PPP2R2C: variants seen among roughly 807,000 people sequenced by gnomAD.
The protein encoded by PPP2R2C is protein phosphatase 2, regulatory subunit B, gamma.
In PPP2R2C, 10 loss-of-function variants were observed where a neutral mutation model predicts 45.3. The observed-to-expected ratio is 0.22, with a 90% CI of 0.14 to 0.37. The LOEUF (loss-of-function observed/expected upper bound fraction) is 0.37. PPP2R2C is among the 10% of genes least tolerant of loss of function. The pLI is 1.00. For missense variants in PPP2R2C, 308 were observed against 619.7 expected (o/e 0.50, Z 5.34); for synonymous variants, 257 against 245.4 (o/e 1.05, Z -0.44).
intron 1 of PPP2R2C, among the ~76,000 whole-genome samples, chr4:6,562,468 C>CGG (rs201107217): frequency 0.011 from 1,057 of 92,796 alleles, 5 homozygotes; most frequent in African/African-American, 0.018. Flanking sequence ...TCAACGGAGT[C>CGG]GGGGGGGGGG....
chr4:6,384,008 A>G, intron 1 of PPP2R2C: 1 of 985,668 alleles, frequency 1.0e-6, no homozygotes, highest in Non-Finnish European at 1.2e-6. Flanking sequence ...AGACAGATGC[A>G]CATGTCACTG....
chr4:6,440,925 A>G (rs1244632546), intron 1 of PPP2R2C, among the ~76,000 whole-genome samples: 1 of 152,116 alleles, frequency 6.6e-6, no homozygotes, highest in African/African-American at 2.4e-5. Context: ...GTGGGGTGTG[A>G]TAACAGGAAA....
At chr4:6,350,065 A>G in intron 5 of PPP2R2C, 1 of 985,434 alleles carries the variant, frequency 1.0e-6, no homozygotes, top group Non-Finnish European at 1.2e-6. Flanking sequence ...GAATCACATA[A>G]AAATAGAAAG....
At chr4:6,337,622 G>T (rs1733081932) in intron 6 of PPP2R2C, among the ~76,000 whole-genome samples, 1 of 152,132 alleles carries the variant, frequency 6.6e-6, no homozygotes, top group Non-Finnish European at 1.5e-5. Context: ...TTCCCAGCAG[G>T]ACTTGCGGGT....
intron 1 of PPP2R2C, among the ~76,000 whole-genome samples, chr4:6,556,747 T>C (rs1474375354): frequency 1.3e-5 from 2 of 152,074 alleles, no homozygotes; most frequent in African/African-American, 4.8e-5. Context: ...CCCAGCAACA[T>C]GAGCAACCAG....
In PPP2R2C at chr4:6,388,363, G is replaced by A. The variant is rs572705733; in HGVS notation, c.71-7269C>T. 1.1e-4 allele frequency among the ~76,000 whole-genome samples: 16 copies of A among 152,362 alleles called. No individual in the cohort carries two copies. The South Asian group carries it at 2.7e-3, about 26-fold the overall frequency. On this transcript the variant is annotated intron_variant, in intron 1 of 8. Transcript: ENST00000382599. Reference sequence around the variant, plus strand: ...GCCAGAGATGGGCAAAGATGGTATCGTGGGTTGAACTGCATCCCACAAAAA... The same window carrying A: ...GCCAGAGATGGGCAAAGATGGTATCATGGGTTGAACTGCATCCCACAAAAA...
intron 1 of PPP2R2C, among the ~76,000 whole-genome samples, chr4:6,418,701 C>T (rs914511554): frequency 4.6e-4 from 70 of 152,222 alleles, no homozygotes; most frequent in African/African-American, 1.5e-3. Flanking sequence ...CCCAAAGGGA[C>T]AATGGTGTGT....
chr4:6,384,521 T>C lies in PPP2R2C; in HGVS notation c.71-3427A>G, dbSNP rs192644897. 42 of 975,330 alleles carry C rather than the reference T, an allele frequency of 4.3e-5. No individual in the cohort carries two copies. In the African/African-American group the frequency reaches 4.5e-4, roughly 11 times the overall value. 60.4% of individuals were successfully genotyped at this position (975,330 alleles called of 1,614,324 possible). ...GCTGTATTGAGGTACAATCAATATA[T>C]AAAACGCTGCACATACTTAATGTAT... On this transcript the variant is annotated intron_variant, in intron 1 of 8. Transcript: ENST00000382599.
intron 2 of PPP2R2C, among the ~76,000 whole-genome samples, chr4:6,494,605 A>T (rs984530845): frequency 1.3e-5 from 2 of 152,190 alleles, no homozygotes; most frequent in African/African-American, 4.8e-5. Flanking sequence ...AGACACTCAC[A>T]GCCCAGGTGG....
At chr4:6,395,015 G>A (rs1304820938) in intron 1 of PPP2R2C, among the ~76,000 whole-genome samples, 4 of 151,990 alleles carry the variant, frequency 2.6e-5, no homozygotes, top group Admixed American at 6.5e-5. Context: ...CCCTGCCTCC[G>A]CCCTGGCCTG....
At chr4:6,396,783 G>T (rs1185361768) in intron 1 of PPP2R2C, among the ~76,000 whole-genome samples, 3 of 152,254 alleles carry the variant, frequency 2.0e-5, no homozygotes, top group South Asian at 2.1e-4. Context: ...GGGCTGGGAG[G>T]GGGTAGAGAG....
intron 1 of PPP2R2C, among the ~76,000 whole-genome samples, chr4:6,546,514 T>G (rs1013562231): frequency 6.6e-6 from 1 of 152,194 alleles, no homozygotes; most frequent in African/African-American, 2.4e-5. Context: ...GTGCAATGAC[T>G]AGCCCAGGGC....
chr4:6,458,280 T>C (rs554886579), intron 1 of PPP2R2C, among the ~76,000 whole-genome samples: 11 of 152,308 alleles, frequency 7.2e-5, no homozygotes, highest in African/African-American at 2.6e-4. Context: ...TAACAAAATA[T>C]CATAGACCGG....
intron 5 of PPP2R2C, among the ~76,000 whole-genome samples, chr4:6,362,923 A>G (rs1433786527): frequency 6.6e-6 from 1 of 151,908 alleles, no homozygotes; most frequent in Non-Finnish European, 1.5e-5. Flanking sequence ...ACTGAAACTT[A>G]CTGTGGCTTT....
intron 2 of PPP2R2C, among the ~76,000 whole-genome samples, chr4:6,488,919 TG>T (rs1227308406): frequency 6.6e-6 from 1 of 152,186 alleles, no homozygotes; most frequent in Non-Finnish European, 1.5e-5. Flanking sequence ...CAGGTCCTTT[TG>T]GGGGTTCTTT....
chr4:6,526,999 G>A (rs186523359), intron 2 of PPP2R2C, among the ~76,000 whole-genome samples: 127 of 152,286 alleles, frequency 8.3e-4, no homozygotes, highest in Non-Finnish European at 1.3e-3. Context: ...ATCCCAAAGA[G>A]TGGGAGACGC....
At position 6,378,227 on chromosome 4, in the gene PPP2R2C, C is replaced by T. The variant is rs1018866627; in HGVS notation, c.334+180G>A. ...CAGCCCTGTGTCCAGACACAGGGAG[C>T]GTCTGAGGGGGTCTGGCATACTCAC... On this transcript the variant is annotated intron_variant, in intron 3 of 8. Transcript: ENST00000382599. This position sits in a 1 kb window ranked among gnomAD's most constrained non-coding sequence, Gnocchi z 5.2. The T allele has an allele frequency of 7.4e-6, 6 of 805,982 alleles. No homozygotes were observed. The highest frequency in any genetic ancestry group is 3.8e-5 in the African/African-American group (2 of 53,316). The allele number at this position is 805,982 out of a possible 1,614,324, so 49.9% of individuals were successfully genotyped here.
chr4:6,326,015 C>T (rs987482978), intron 8 of PPP2R2C, among the ~76,000 whole-genome samples: 11 of 152,224 alleles, frequency 7.2e-5, no homozygotes, highest in African/African-American at 2.7e-4. Context: ...ACTCCCTATC[C>T]CTGTGAGCGG....
At chr4:6,549,026 G>T (rs999076167) in intron 1 of PPP2R2C, among the ~76,000 whole-genome samples, 8 of 152,242 alleles carry the variant, frequency 5.3e-5, no homozygotes, top group Admixed American at 5.2e-4. Flanking sequence ...TCCCCCATTG[G>T]CTCAGTTCCT....
Sources: gnomAD v4.1 joint callset for allele counts (sites outside exome capture counted in the v4.1 genomes callset) on GRCh38, gnomAD v4.1.1 for gene constraint, Gnocchi (gnomAD v3.1) non-coding constraint, MANE v1.5 for transcripts, NCBI Gene and HGNC (gene_info 2026-07-23, HGNC 2026-07-21) for gene names.